FSTL5: variants seen among roughly 807,000 people sequenced by gnomAD.
FSTL5 encodes follistatin-related protein 5.
In FSTL5, 62 loss-of-function variants were observed where a neutral mutation model predicts 89.1. That is an observed-to-expected ratio of 0.70 (90% CI 0.57 to 0.86). FSTL5 has a LOEUF of 0.86. Ranked by LOEUF, FSTL5 falls within the 40% of genes least tolerant of loss-of-function variation. FSTL5 has a pLI of 0.00. For synonymous variants in FSTL5, 383 were observed against 346.2 expected (o/e 1.11, Z -1.18); for missense variants, 1,057 against 1,001.6 (o/e 1.06, Z -0.75).
intron 7 of FSTL5, among the ~76,000 whole-genome samples, chr4:161,650,977 A>G (rs1736320858): frequency 1.3e-5 from 2 of 152,112 alleles, no homozygotes. Context: ...ACACATCCAA[A>G]ACAGTTCCGC....
At chr4:161,386,615 CCTT>C (rs1730658132) in intron 15 of FSTL5, 166 bp from the exon 16 acceptor site, 8 of 576,622 alleles carry the variant, frequency 1.4e-5, no homozygotes, top group Non-Finnish European at 2.5e-5. Context: ...GTGCCACTCT[CCTT>C]CTTTCTCTAG....
rs1730587123 is a variant in FSTL5, at chr4:161,385,484, T to C, written c.*263A>G. ...AAATGATTTAAATCCTACTTTATTG[T>C]TTAAAGCATAATTTACATATTTGAT... On this transcript the variant is annotated 3_prime_UTR_variant, in exon 16 of 16. Coordinates refer to ENST00000306100, the MANE Select transcript of FSTL5 (RefSeq NM_020116.5). 1 of 366,302 alleles carries C rather than the reference T, an allele frequency of 2.7e-6. No individual in the cohort carries two copies. Among genetic ancestry groups the C allele is most frequent in the Non-Finnish European group, 4.9e-6 (1 of 204,808 alleles). 22.7% of individuals were successfully genotyped at this position (366,302 alleles called of 1,614,324 possible).
At chr4:161,450,991 G>A (rs1167174876) in intron 15 of FSTL5, among the ~76,000 whole-genome samples, 1 of 151,846 alleles carries the variant, frequency 6.6e-6, no homozygotes, top group African/African-American at 2.4e-5. Context: ...TGATCTGCCC[G>A]CCTCGGCCTC....
chr4:161,755,301 T>C (rs1445084222), intron 6 of FSTL5, among the ~76,000 whole-genome samples: 6 of 152,038 alleles, frequency 3.9e-5, no homozygotes, highest in African/African-American at 1.2e-4. Context: ...ACTTATCTAA[T>C]CCACAAAGAA....
At chr4:161,920,688 T>A (rs1257296637) in intron 3 of FSTL5, 36 bp from the exon 4 acceptor site, 1 of 1,572,946 alleles carries the variant, frequency 6.4e-7, no homozygotes, top group Non-Finnish European at 8.7e-7. Flanking sequence ...ATCGTTTGGT[T>A]CATTTGTCCA....
chr4:161,789,378 GC>G (rs1243858465), intron 4 of FSTL5, among the ~76,000 whole-genome samples: 2 of 151,898 alleles, frequency 1.3e-5, no homozygotes, highest in Admixed American at 6.6e-5. Context: ...TTCCATTCTA[GC>G]CTTTTGTGGC....
intron 4 of FSTL5, among the ~76,000 whole-genome samples, chr4:161,873,570 T>C (rs1483714269): frequency 6.9e-6 from 1 of 144,294 alleles, no homozygotes; most frequent in Non-Finnish European, 1.5e-5. Context: ...TCTTCCTCCA[T>C]TTTTCCCATA....
At chr4:161,884,886 G>A (rs1408028918) in intron 4 of FSTL5, among the ~76,000 whole-genome samples, 1 of 152,124 alleles carries the variant, frequency 6.6e-6, no homozygotes, top group African/African-American at 2.4e-5. Context: ...ATTGAAAATT[G>A]AGAAATATCA....
chr4:161,440,470 AG>A (rs1390157453), intron 15 of FSTL5, among the ~76,000 whole-genome samples: 1 of 152,152 alleles, frequency 6.6e-6, no homozygotes, highest in East Asian at 1.9e-4. Context: ...ACAACAGATA[AG>A]CAAAAAAGTC....
chr4:161,853,014 A>G (rs916566372), intron 4 of FSTL5, among the ~76,000 whole-genome samples: 4 of 152,178 alleles, frequency 2.6e-5, no homozygotes, highest in Admixed American at 6.5e-5. Flanking sequence ...GAAGGGAAAG[A>G]AAGAATTTCT....
chr4:161,852,001 T>C (rs1051198899), intron 4 of FSTL5, among the ~76,000 whole-genome samples: 3 of 152,076 alleles, frequency 2.0e-5, no homozygotes, highest in Non-Finnish European at 4.4e-5. Context: ...GTTTGGTTGC[T>C]TTTGTAAGTC....
At chr4:161,431,485 C>G (rs62326366) in intron 15 of FSTL5, among the ~76,000 whole-genome samples, 23,504 of 149,388 alleles carry the variant, frequency 0.16, 1,975 homozygotes, top group East Asian at 0.25. Flanking sequence ...TAAAAATCAA[C>G]AAATGAAAAC....
chr4:161,402,606 A>G (rs566267372), intron 15 of FSTL5, among the ~76,000 whole-genome samples: 7 of 152,246 alleles, frequency 4.6e-5, no homozygotes, highest in African/African-American at 1.7e-4. Context: ...CTATACATAC[A>G]CTACACACTC....
At chr4:161,502,652 A>G (rs1730336775) in intron 11 of FSTL5, among the ~76,000 whole-genome samples, 1 of 151,848 alleles carries the variant, frequency 6.6e-6, no homozygotes, top group Non-Finnish European at 1.5e-5. Flanking sequence ...CTCATTCATA[A>G]GACTAGATAT....
intron 15 of FSTL5, among the ~76,000 whole-genome samples, chr4:161,433,483 C>T (rs1732452283): frequency 6.6e-6 from 1 of 152,066 alleles, no homozygotes; most frequent in Admixed American, 6.5e-5. Context: ...TAAAGCCTTT[C>T]CTCTAAGAGC....
intron 15 of FSTL5, among the ~76,000 whole-genome samples, chr4:161,414,881 A>G (rs73860614): frequency 8.4e-4 from 128 of 152,304 alleles, no homozygotes; most frequent in African/African-American, 3.0e-3. Context: ...CTGGTCTCCT[A>G]TGTCTTAGTT....
At chr4:161,760,575 CAT>C (rs1215843795) in intron 5 of FSTL5, among the ~76,000 whole-genome samples, 6 of 152,172 alleles carry the variant, frequency 3.9e-5, no homozygotes, top group African/African-American at 1.4e-4. Flanking sequence ...CACACACACA[CAT>C]GCACACACAG....
chr4:162,056,798 T>G (rs933073339), intron 2 of FSTL5, among the ~76,000 whole-genome samples: 2 of 152,190 alleles, frequency 1.3e-5, no homozygotes, highest in Non-Finnish European at 2.9e-5. Context: ...TTTCTTACTT[T>G]TCTATTGGAT....
chr4:162,150,141 A>G (rs1447540062), intron 1 of FSTL5, among the ~76,000 whole-genome samples: 1 of 152,102 alleles, frequency 6.6e-6, no homozygotes, highest in Non-Finnish European at 1.5e-5. Context: ...AAATATTGAC[A>G]TACTTGAGAA....
Sources: allele counts gnomAD v4.1 joint callset (sites outside exome capture counted in the v4.1 genomes callset), GRCh38; gene constraint gnomAD v4.1.1; transcripts MANE v1.5; gene names NCBI Gene and HGNC (gene_info 2026-07-23, HGNC 2026-07-21).